Variants in FANCD2 observed in about 807,000 individuals in gnomAD.
The protein encoded by FANCD2 is FA complementation group D2, also known as Fanconi anemia group D2 protein.
In FANCD2, 131 loss-of-function variants were observed where a neutral mutation model predicts 192.3. That is an observed-to-expected ratio of 0.68 (90% CI 0.59 to 0.79). The LOEUF (loss-of-function observed/expected upper bound fraction) is 0.79. FANCD2 is among the 30% of genes least tolerant of loss of function. The probability of loss-of-function intolerance (pLI) is 0.00; values close to 1 mark genes in which losing one functional copy is unlikely to be tolerated. For synonymous variants in FANCD2, 524 were observed against 612.5 expected (o/e 0.86, Z 2.13); for missense variants, 1,508 against 1,701.6 (o/e 0.89, Z 2.00).
intron 36 of FANCD2, 32 bp downstream of exon 36, chr3:10,088,982 T>G: frequency 6.2e-7 from 1 of 1,612,256 alleles, no homozygotes; most frequent in African/African-American, 1.3e-5. Context: ...GTTTTTCCCT[T>G]AAGATAGAAT....
intron 26 of FANCD2, among the ~76,000 whole-genome samples, chr3:10,069,874 C>T (rs541958538): frequency 1.3e-4 from 20 of 152,102 alleles, no homozygotes; most frequent in South Asian, 2.1e-4. Flanking sequence ...AGCCTCTGCC[C>T]GGCCGCCACC....
chr3:10,078,845 GT>G (rs1195615069), intron 30 of FANCD2, among the ~76,000 whole-genome samples: 1 of 151,760 alleles, frequency 6.6e-6, no homozygotes, highest in Non-Finnish European at 1.5e-5. Flanking sequence ...TGCAGCTATA[GT>G]TCCAGCTACT....
chr3:10,085,986 C>A, intron 33 of FANCD2, 64 bp downstream of exon 33: 1 of 1,134,296 alleles, frequency 8.8e-7, no homozygotes, highest in Non-Finnish European at 1.3e-6. Flanking sequence ...GGATTGGCAA[C>A]TTTCTTTAAA....
At chr3:10,027,822 G>A (rs2086491765) in intron 1 of FANCD2, among the ~76,000 whole-genome samples, 1 of 148,382 alleles carries the variant, frequency 6.7e-6, no homozygotes, top group Admixed American at 6.8e-5. Flanking sequence ...GGAGAATGGT[G>A]TGAACCCGGG....
chr3:10,041,668 T>A lies in FANCD2; in HGVS notation c.741T>A (p.Asp247Glu). 6.2e-7 allele frequency: 1 copy of A among 1,613,974 alleles called. No homozygotes were observed. The highest frequency in any genetic ancestry group is 8.5e-7 in the Non-Finnish European group (1 of 1,179,914). ...CTTCACTCACTGTCCCAATCCTGGA[T>A]GTCCTTTCAAGCCTCCGACTTGACC... ...ENTSLTVPILDVLSSLRLDPN... is the reference protein window; with the variant it reads ...ENTSLTVPILEVLSSLRLDPN... Residue 247 changes from aspartate (D) to glutamate (E), a missense_variant, in exon 10 of 44, where the codon GAT becomes GAA. By Grantham distance (45) the Asp-to-Glu change is conservative. Around this residue, in one of 5 missense-constraint regions of FANCD2, gnomAD observed 435 missense variants for 421.9 expected, o/e 1.03. Coordinates refer to ENST00000675286, the MANE Select transcript of FANCD2 (RefSeq NM_001018115.3).
At chr3:10,057,799 C>A (rs1004513287) in intron 18 of FANCD2, among the ~76,000 whole-genome samples, 1 of 152,068 alleles carries the variant, frequency 6.6e-6, no homozygotes, top group Non-Finnish European at 1.5e-5. Flanking sequence ...TTAAAAAAAA[C>A]AGCATATTCA....
chr3:10,043,715 G>T, intron 13 of FANCD2, 114 bp from the exon 14 acceptor site: 2 of 1,304,474 alleles, frequency 1.5e-6, no homozygotes, highest in East Asian at 2.3e-5. Flanking sequence ...ATAGCTGATG[G>T]TTGCCAGATG....
At chr3:10,098,699 T>C (rs1695125057) in intron 42 of FANCD2, 21 bp from the exon 43 acceptor site, 1 of 1,613,780 alleles carries the variant, frequency 6.2e-7, no homozygotes, top group African/African-American at 1.3e-5. Flanking sequence ...CCCACCATTT[T>C]CTTGGTCCAT....
At chr3:10,097,101 G>A (rs1169476328) in intron 42 of FANCD2, among the ~76,000 whole-genome samples, 1 of 152,184 alleles carries the variant, frequency 6.6e-6, no homozygotes, top group Non-Finnish European at 1.5e-5. Context: ...GGGAGTGTGC[G>A]AATAGGTGTG....
At chr3:10,073,935 C>G (rs7625049) in intron 28 of FANCD2, among the ~76,000 whole-genome samples, 6 of 151,614 alleles carry the variant, frequency 4.0e-5, no homozygotes, top group Admixed American at 1.3e-4. Flanking sequence ...CCTAAGCTCA[C>G]AGTTTTTTGT....
chr3:10,035,154 A>T lies in FANCD2; in HGVS notation c.378-19A>T. 1.3e-6 allele frequency: 2 copies of T among 1,593,312 alleles called. No homozygotes were observed. The highest frequency in any genetic ancestry group is 1.7e-6 in the Non-Finnish European group (2 of 1,170,568). On this transcript the variant is annotated intron_variant, in intron 5 of 43. Transcript: ENST00000675286. ...ACAAGGAAAGCAAAGTGGAAAACAG[A>T]TTTCTTTTTTTTTTACAGTATGGGT...
intron 26 of FANCD2, among the ~76,000 whole-genome samples, chr3:10,069,021 A>T (rs2087796455): frequency 6.6e-6 from 1 of 152,230 alleles, no homozygotes; most frequent in Non-Finnish European, 1.5e-5. Flanking sequence ...CTAAGACTTC[A>T]AATTATGAAA....
At chr3:10,072,268 A>G (rs1693295436) in intron 26 of FANCD2, among the ~76,000 whole-genome samples, 1 of 149,922 alleles carries the variant, frequency 6.7e-6, no homozygotes, top group Non-Finnish European at 1.5e-5. Flanking sequence ...ATAAATATAT[A>G]TATACCTTTC....
intron 18 of FANCD2, among the ~76,000 whole-genome samples, chr3:10,052,737 CAAAAG>C (rs2087255767): frequency 6.6e-6 from 1 of 151,760 alleles, no homozygotes; most frequent in South Asian, 2.1e-4. Flanking sequence ...AGACACTTCT[CAAAAG>C]AAGACATTTA....
chr3:10,039,842 T>G lies in FANCD2; in HGVS notation c.692T>G (p.Leu231Arg), dbSNP rs2086819957. ...DSQHADVGKE[L>R]SDLLIENTSL... is the part of the protein sequence containing the mutation. ...CAGCACGCTGATGTGGGGAAAGAAC[T>G]CAGGTGGATAAACCCTCTGTCATCA... The change falls in exon 9 of 44, where the codon CTC becomes CGC. Residue 231 changes from leucine to arginine, a missense_variant. Leu to Arg is a moderately radical substitution (Grantham distance 102). Coordinates refer to ENST00000675286, the MANE Select transcript of FANCD2 (RefSeq NM_001018115.3). The G allele has an allele frequency of 2.5e-6, 4 of 1,613,974 alleles. No individual in the cohort carries two copies. Among genetic ancestry groups the G allele is most frequent in the Non-Finnish European group, 3.4e-6 (4 of 1,180,002 alleles).
In FANCD2 at chr3:10,065,878, C is replaced by G; in HGVS notation, c.2284C>G (p.Leu762Val). Residue 762 changes from leucine to valine, a missense_variant, in exon 25 of 44, where the codon CTA becomes GTA. Leu to Val is a conservative substitution (Grantham distance 32). Coordinates refer to ENST00000675286, the MANE Select transcript of FANCD2 (RefSeq NM_001018115.3). ...TTCTCTCTCAGATTGTCCTATATTC[C>G]TAACTGACCTGGAGCCTGGAGAGAA... ...IDGLLDCPIF[L>V]TDLEPGEKLE... The G allele has an allele frequency of 3.7e-6, 6 of 1,610,408 alleles. No individual in the cohort carries two copies. The highest frequency in any genetic ancestry group is 1.3e-5 in the African/African-American group (1 of 74,952).
rs921659803 is a variant in FANCD2 at position 10,045,045 on chromosome 3, T to A, written c.1134+1181T>A. 2.6e-5 allele frequency among the ~76,000 whole-genome samples: 4 copies of A among 151,978 alleles called. No individual in the cohort carries two copies. In the East Asian group the frequency reaches 5.8e-4, roughly 22 times the overall value. The stretch of plus-strand genomic sequence containing the variant: ...CATTCAGTTAAGATAAGTAGTAAAA[T>A]TTTTTTTGTTTTTTCTTGTTTGTCC... On this transcript the variant is annotated intron_variant, in intron 14 of 43. Transcript: ENST00000675286.
At position 10,055,894 on chromosome 3, in the gene FANCD2, G is replaced by A. The variant is rs1302864414; in HGVS notation, c.1656+3397G>A. Among the ~76,000 whole-genome samples, 14 of 151,876 alleles carry A rather than the reference G, an allele frequency of 9.2e-5. No individual in the cohort carries two copies. In the South Asian group the frequency reaches 2.9e-3, roughly 32 times the overall value. On this transcript the variant is annotated intron_variant, in intron 18 of 43. Coordinates refer to ENST00000675286, the MANE Select transcript of FANCD2 (RefSeq NM_001018115.3). ...TTGTTGTTGTGTTTTATTTTGTTTT[G>A]TTGAGATGGAGTCTCACTCTGTCGC...
At chr3:10,028,499 G>C (rs2086511989) in intron 1 of FANCD2, 126 bp from the exon 2 acceptor site, 1 of 685,318 alleles carries the variant, frequency 1.5e-6, no homozygotes, top group East Asian at 2.7e-5. Context: ...CCTAGGTTTA[G>C]GTAGCATTAA....
Sources: gnomAD v4.1 joint callset for allele counts (sites outside exome capture counted in the v4.1 genomes callset) on GRCh38, gnomAD v4.1.1 for gene constraint, gnomAD v4.1.1 regional missense constraint, MANE v1.5 for transcripts, NCBI Gene and HGNC (gene_info 2026-07-23, HGNC 2026-07-21) for gene names.